Variants in PHF6 observed in about 807,000 individuals in gnomAD.
PHF6 encodes PHD finger protein 6, also known as PHD-like zinc finger protein.
PHF6 carries 7 observed loss-of-function variants against 34.0 expected under a neutral mutation model. The observed-to-expected ratio is 0.21, with a 90% CI of 0.12 to 0.39. The LOEUF (loss-of-function observed/expected upper bound fraction) is 0.39, where lower values mean the gene tolerates loss of function less well. Among genes scored for constraint, PHF6 ranks in the 10% least tolerant of loss-of-function variants. The pLI is 1.00. For missense variants in PHF6, 128 were observed against 262.8 expected (o/e 0.49, Z 3.55); for synonymous variants, 89 against 88.4 (o/e 1.01, Z -0.04).
chrX:134,386,906 T>A (rs1173696849), intron 3 of PHF6, among the ~76,000 whole-genome samples: 1 of 111,789 alleles, frequency 8.9e-6, no homozygotes, highest in East Asian at 2.8e-4. Context: ...TTACAAAAAG[T>A]TTTTTTGTAA....
At chrX:134,407,511 T>G (rs984299341) in intron 5 of PHF6, among the ~76,000 whole-genome samples, 2 of 112,377 alleles carry the variant, frequency 1.8e-5, no homozygotes, top group South Asian at 7.3e-4. Flanking sequence ...AATTCCTATA[T>G]ACTGACATGG....
intron 8 of PHF6, among the ~76,000 whole-genome samples, chrX:134,416,897 G>A (rs2077474342): frequency 8.9e-6 from 1 of 111,845 alleles, no homozygotes; most frequent in Admixed American, 9.5e-5. Context: ...TTCTTTTTGT[G>A]TATTTGGCAG....
rs529236575 is a variant in PHF6 at position 134,381,711 on chromosome X, G to A, written c.240+3605G>A. 5.5e-5 allele frequency among the ~76,000 whole-genome samples: 6 copies of A among 109,998 alleles called. No homozygotes were observed. The South Asian group carries it at 1.2e-3, about 22-fold the overall frequency. ...GGTTTCACCATGTTAGGCTGGTCGC[G>A]AACTCCTGACCTCAGGTGATCTACC... On this transcript the variant is annotated intron_variant, in intron 3 of 10. Transcript: ENST00000370803.
intron 1 of PHF6, among the ~76,000 whole-genome samples, chrX:134,376,248 G>T (rs998330737): frequency 8.9e-6 from 1 of 111,934 alleles, no homozygotes; most frequent in African/African-American, 3.2e-5. Context: ...GTTGGTGAAC[G>T]AATGCTTCTC....
At chrX:134,386,465 C>T (rs1429113524) in intron 3 of PHF6, among the ~76,000 whole-genome samples, 1 of 106,392 alleles carries the variant, frequency 9.4e-6, no homozygotes, top group Non-Finnish European at 1.9e-5. Flanking sequence ...GGCTGGAGTG[C>T]AGTTGTGTGA....
chrX:134,377,703 GAC>G lies in PHF6; in HGVS notation c.88_89del (p.Gln30ValfsTer5), dbSNP rs2077284360. 8.3e-7 allele frequency: 1 copy of G among 1,207,646 alleles called. No individual in the cohort carries two copies. Among genetic ancestry groups the G allele is most frequent in the Non-Finnish European group, 1.1e-6 (1 of 893,995 alleles). On this transcript the variant is annotated frameshift_variant, in exon 2 of 11. Transcript: ENST00000370803. LOFTEE classifies it high-confidence loss of function. ...AAGTCAAATAGAGACAAGGAATGTG[GAC>G]AGTTACTAATATCTGAAAACCAGAA...
intron 9 of PHF6, 104 bp from the exon 10 acceptor site, chrX:134,425,097 A>C: frequency 1.0e-6 from 1 of 999,766 alleles, no homozygotes; most frequent in Non-Finnish European, 1.4e-6. Context: ...GTGGATGAGG[A>C]AACCCATGTT....
chrX:134,426,130 A>T lies in PHF6; in HGVS notation c.*470A>T. ...CTCAAGTAATGGAGGCTAGAAATGAAGAGAACCTTCTTTTTCTCTTGACTT... is the reference window on the plus strand; with the variant it reads ...CTCAAGTAATGGAGGCTAGAAATGATGAGAACCTTCTTTTTCTCTTGACTT... On this transcript the variant is annotated 3_prime_UTR_variant, in exon 11 of 11. Transcript: ENST00000370803. 6.2e-6 allele frequency: 1 copy of T among 160,669 alleles called. No individual in the cohort carries two copies. The highest frequency in any genetic ancestry group is 1.2e-5 in the Non-Finnish European group (1 of 81,879). 13.2% of individuals were successfully genotyped at this position (160,669 alleles called of 1,213,427 possible).
At chrX:134,406,911 A>G (rs1452718256) in intron 5 of PHF6, among the ~76,000 whole-genome samples, 6 of 112,344 alleles carry the variant, frequency 5.3e-5, no homozygotes, top group African/African-American at 1.9e-4. Context: ...GCTAAAAGCA[A>G]ACACTACTAT....
chrX:134,420,773 T>C (rs2077489037), intron 9 of PHF6, among the ~76,000 whole-genome samples: 1 of 110,658 alleles, frequency 9.0e-6, no homozygotes, highest in African/African-American at 3.3e-5. Flanking sequence ...TTGCTATTTT[T>C]TGTAGAGACA....
chrX:134,380,885 CT>C (rs2077304315), intron 3 of PHF6, among the ~76,000 whole-genome samples: 1 of 111,985 alleles, frequency 8.9e-6, no homozygotes, highest in African/African-American at 3.2e-5. Context: ...GAGTCTTGCT[CT>C]GTTGCCCAGG....
intron 1 of PHF6, among the ~76,000 whole-genome samples, chrX:134,375,120 A>G (rs1306581388): frequency 1.8e-5 from 2 of 111,808 alleles, no homozygotes; most frequent in African/African-American, 6.5e-5. Context: ...TCTCCACTTC[A>G]TGTTTTACAA....
At chrX:134,402,186 A>G (rs936138974) in intron 5 of PHF6, among the ~76,000 whole-genome samples, 10 of 111,686 alleles carry the variant, frequency 9.0e-5, no homozygotes, top group Non-Finnish European at 1.1e-4. Context: ...AGTAGAGACA[A>G]CATTTCACCA....
chrX:134,384,901 T>G (rs1021309877), intron 3 of PHF6, among the ~76,000 whole-genome samples: 1 of 111,228 alleles, frequency 9.0e-6, no homozygotes, highest in Non-Finnish European at 1.9e-5. Flanking sequence ...TCCGCCCGCC[T>G]TGGCCTCCCA....
chrX:134,393,733 C>A, intron 4 of PHF6, 99 bp downstream of exon 4: 1 of 864,763 alleles, frequency 1.2e-6, no homozygotes, highest in African/African-American at 2.0e-5. Context: ...TCATCATCAT[C>A]ATAAAGGGTG....
rs6634976 is a variant in PHF6 at position 134,394,156 on chromosome X, C to T, written c.418+204C>T. Among the ~76,000 whole-genome samples, 13,122 of 103,966 alleles carry T rather than the reference C, an allele frequency of 0.13. 696 individuals are homozygous for T. Among genetic ancestry groups the T allele is most frequent in the East Asian group, 0.22 (726 of 3,355 alleles). The allele number at this position is 103,966 out of a possible 115,157, so 90.3% of individuals were successfully genotyped here. A position where few individuals can be genotyped will look rare whatever the true frequency, so the allele number is the denominator to read the frequency against. ...TTCTTTTTTTTTTTTTTTCCTGAAA[C>T]GAAGTCTTGCTCTGTCGCCCAGGCT... On this transcript the variant is annotated intron_variant, in intron 5 of 10. Coordinates refer to ENST00000370803, the MANE Select transcript of PHF6 (RefSeq NM_001015877.2).
chrX:134,415,225 C>T lies in PHF6; in HGVS notation c.834+105C>T, dbSNP rs201454923. On this transcript the variant is annotated intron_variant, in intron 8 of 10. Coordinates refer to ENST00000370803, the MANE Select transcript of PHF6 (RefSeq NM_001015877.2). Reference sequence around the variant, plus strand: ...AGTCATCAGAAAATTTAAAGTAGTTCGTATGTTAAAGCAAAGTATATATTT... The same window carrying T: ...AGTCATCAGAAAATTTAAAGTAGTTTGTATGTTAAAGCAAAGTATATATTT... 8.5e-6 allele frequency: 10 copies of T among 1,180,807 alleles called. No homozygotes were observed. In the Middle Eastern group the frequency reaches 1.1e-3, roughly 124 times the overall value.
chrX:134,405,537 CTG>C (rs2077419484), intron 5 of PHF6, among the ~76,000 whole-genome samples: 1 of 111,591 alleles, frequency 9.0e-6, no homozygotes, highest in Admixed American at 9.6e-5. Context: ...GTGCAGAGTA[CTG>C]TGTTAGGCAT....
intron 3 of PHF6, among the ~76,000 whole-genome samples, chrX:134,380,961 C>T (rs1380776792): frequency 8.9e-6 from 1 of 111,777 alleles, no homozygotes; most frequent in African/African-American, 3.3e-5. Flanking sequence ...ATTCTCCTGC[C>T]TCAGCCTCCC....
Sources: allele counts gnomAD v4.1 joint callset (sites outside exome capture counted in the v4.1 genomes callset), GRCh38; gene constraint gnomAD v4.1.1; transcripts MANE v1.5; gene names NCBI Gene and HGNC (gene_info 2026-07-23, HGNC 2026-07-21).